The following NSD1 variants were observed in gnomAD, a reference collection of about 807,000 sequenced individuals.
NSD1 encodes the protein histone-lysine N-methyltransferase, H3 lysine-36 specific.
In NSD1, 26 loss-of-function variants were observed where a neutral mutation model predicts 242.7. That is an observed-to-expected ratio of 0.11 (90% CI 0.08 to 0.15). The LOEUF (loss-of-function observed/expected upper bound fraction) is 0.15. NSD1 is among the 10% of genes least tolerant of loss of function. The pLI is 1.00. For synonymous variants in NSD1, 1,106 were observed against 1,178.1 expected, an observed-to-expected ratio of 0.94 and a Z score of 1.25; for missense variants, 2,495 against 3,272.8, an observed-to-expected ratio of 0.76 and a Z score of 5.80.
At chr5:177,141,773 A>G (rs1179625394) in intron 2 of NSD1, among the ~76,000 whole-genome samples, 1 of 152,048 alleles carries the variant, frequency 6.6e-6, no homozygotes, top group Admixed American at 6.6e-5. Context: ...AACAAATTCT[A>G]CTTGTCAACT....
At chr5:177,227,675 G>T (rs1764736775) in intron 5 of NSD1, among the ~76,000 whole-genome samples, 1 of 152,082 alleles carries the variant, frequency 6.6e-6, no homozygotes. Context: ...CCTGACCTCA[G>T]GTGATCCCGC....
intron 2 of NSD1, among the ~76,000 whole-genome samples, chr5:177,187,032 CA>C (rs1231428188): frequency 6.7e-6 from 1 of 149,986 alleles, no homozygotes; most frequent in African/African-American, 2.5e-5. Context: ...ATTTCTAATG[CA>C]AAAAACATGG....
At chr5:177,192,492 G>C (rs1408267034) in intron 3 of NSD1, among the ~76,000 whole-genome samples, 1 of 152,120 alleles carries the variant, frequency 6.6e-6, no homozygotes, top group Non-Finnish European at 1.5e-5. Context: ...TGCCTCCCGG[G>C]TTCAAGCAAT....
In NSD1 at chr5:177,265,945, G is replaced by A. The variant is rs550554610; in HGVS notation, c.5147-1617G>A. Reference sequence around the variant, plus strand: ...AGATGTCTACCTCCTTTATGAGGCAGGCGTTGGTAACCAGCTGTTTGAGGT... The same window carrying A: ...AGATGTCTACCTCCTTTATGAGGCAAGCGTTGGTAACCAGCTGTTTGAGGT... On this transcript the variant is annotated intron_variant, in intron 14 of 22. Transcript: ENST00000439151. The A allele has an allele frequency of 4.7e-6, 6 of 1,281,706 alleles. No individual in the cohort carries two copies. The Admixed American group carries it at 5.1e-5, about 11-fold the overall frequency. The allele number at this position is 1,281,706 out of a possible 1,614,324, so 79.4% of individuals were successfully genotyped here. A position where few individuals can be genotyped will look rare whatever the true frequency, so the allele number is the denominator to read the frequency against.
chr5:177,194,364 G>A (rs915025042), intron 3 of NSD1, among the ~76,000 whole-genome samples: 3 of 151,024 alleles, frequency 2.0e-5, no homozygotes, highest in Non-Finnish European at 4.4e-5. Context: ...GGCTCAAACA[G>A]TCATCCAACC....
intron 4 of NSD1, among the ~76,000 whole-genome samples, chr5:177,208,749 TC>T (rs1457765867): frequency 6.6e-6 from 1 of 151,992 alleles, no homozygotes; most frequent in Non-Finnish European, 1.5e-5. Context: ...TCTTGCTCTG[TC>T]CCCCATGCTG....
intron 2 of NSD1, among the ~76,000 whole-genome samples, chr5:177,178,506 G>A (rs992598056): frequency 7.2e-5 from 11 of 152,146 alleles, no homozygotes; most frequent in African/African-American, 1.9e-4. Context: ...GATTACAGGC[G>A]TAAGCCACCG....
chr5:177,141,730 C>A (rs1280061553), intron 2 of NSD1, among the ~76,000 whole-genome samples: 1 of 152,172 alleles, frequency 6.6e-6, no homozygotes, highest in African/African-American at 2.4e-5. Context: ...CTACTCCACT[C>A]TATGAAACTC....
Position 177,280,664 on chromosome 5 carries a change from G to C in NSD1, c.5722G>C (p.Asp1908His). 6.2e-7 allele frequency: 1 copy of C among 1,614,208 alleles called. No individual in the cohort carries two copies. Among genetic ancestry groups the C allele is most frequent in the Non-Finnish European group, 8.5e-7 (1 of 1,180,034 alleles). ...KATDENPCGI[D>H]SECINRMLLY... ...TACTGATGAGAACCCCTGTGGGATA[G>C]ACTCTGAATGCATCAACCGCATGCT... is the stretch of plus-strand genomic sequence containing the variant. The change falls in exon 18 of 23, where the codon GAC (aspartate) becomes CAC (histidine). Residue 1908 changes from aspartate to histidine, a missense_variant. Physicochemically the swap from Asp to His is moderately conservative, Grantham distance 81. Around this residue, in one of 19 missense-constraint regions of NSD1, gnomAD observed 114 missense variants for 247.4 expected, o/e 0.46. Transcript: ENST00000439151.
chr5:177,219,441 T>A (rs1472232535), intron 5 of NSD1, among the ~76,000 whole-genome samples: 2 of 152,140 alleles, frequency 1.3e-5, no homozygotes, highest in Non-Finnish European at 1.5e-5. Context: ...TGTCTCCGCC[T>A]CCCAAAGTGC....
intron 5 of NSD1, among the ~76,000 whole-genome samples, chr5:177,228,549 A>G (rs1276357624): frequency 6.6e-6 from 1 of 151,546 alleles, no homozygotes; most frequent in East Asian, 1.9e-4. Flanking sequence ...CACTATTAGG[A>G]ATGGTTTTGG....
intron 22 of NSD1, among the ~76,000 whole-genome samples, chr5:177,293,148 T>C (rs531102405): frequency 6.6e-6 from 1 of 152,206 alleles, no homozygotes; most frequent in Non-Finnish European, 1.5e-5. Context: ...CAATCTTGCC[T>C]GTGTGCCAGG....
intron 2 of NSD1, among the ~76,000 whole-genome samples, chr5:177,158,266 TTTCTTTCTTTCTTTCTTTCTTTCTTTC>T (rs1311543448): frequency 3.1e-4 from 32 of 102,744 alleles, no homozygotes; most frequent in African/African-American, 1.7e-3. Flanking sequence ...TCTTTCTTTC[TTTCTTTCTTTCTTTCTTTCTTTCTTTC>T]TTTCTTTCTT....
chr5:177,284,079 A>G, intron 20 of NSD1, 151 bp downstream of exon 20: 1 of 951,400 alleles, frequency 1.1e-6, no homozygotes, highest in Non-Finnish European at 1.6e-6. Flanking sequence ...AACCATCACC[A>G]CCATCCGTCT....
intron 4 of NSD1, among the ~76,000 whole-genome samples, chr5:177,207,641 C>G (rs1762997283): frequency 7.6e-6 from 1 of 130,934 alleles, no homozygotes; most frequent in Admixed American, 8.1e-5. Context: ...GGTGGGTCTC[C>G]CTGTGTTTCC....
chr5:177,256,323 AC>A (rs1436596228), intron 12 of NSD1, among the ~76,000 whole-genome samples: 1 of 119,598 alleles, frequency 8.4e-6, no homozygotes, highest in Non-Finnish European at 1.6e-5. Flanking sequence ...CACTCTTATC[AC>A]CCAGGCTGGA....
At chr5:177,264,175 A>G (rs1310729496) in intron 14 of NSD1, among the ~76,000 whole-genome samples, 1 of 151,836 alleles carries the variant, frequency 6.6e-6, no homozygotes, top group Non-Finnish European at 1.5e-5. Flanking sequence ...AGCTGGGACT[A>G]CAGGCATGTG....
chr5:177,241,342 C>CA (rs755867773), intron 8 of NSD1, among the ~76,000 whole-genome samples: 2,662 of 128,784 alleles, frequency 0.021, 32 homozygotes, highest in Admixed American at 0.033. Context: ...ACTAATAATA[C>CA]AAAAAAAAAA....
chr5:177,246,091 C>G (rs1452970915), intron 9 of NSD1, among the ~76,000 whole-genome samples: 2 of 152,024 alleles, frequency 1.3e-5, no homozygotes, highest in Non-Finnish European at 2.9e-5. Context: ...CTGCCTCAAC[C>G]TCCTGAGTAG....
Sources: allele counts gnomAD v4.1 joint callset (sites outside exome capture counted in the v4.1 genomes callset), GRCh38; gene constraint gnomAD v4.1.1; regional missense constraint gnomAD v4.1.1; transcripts MANE v1.5; gene names NCBI Gene and HGNC (gene_info 2026-07-23, HGNC 2026-07-21).